The following SEPHS1 variants were observed in gnomAD, a reference collection of about 807,000 sequenced individuals.
The protein encoded by SEPHS1 is selenophosphate synthetase 1, also known as zincore component SEPHS1.
Under a neutral mutation model 39.2 loss-of-function variants are expected in SEPHS1, and 7 were observed. The observed-to-expected ratio is 0.18, with a 90% CI of 0.10 to 0.34. SEPHS1 has a LOEUF of 0.34. SEPHS1 is among the 10% of genes least tolerant of loss of function. The pLI, the probability that SEPHS1 is intolerant of heterozygous loss-of-function variation, is 1.00. For synonymous variants in SEPHS1, 190 were observed against 195.5 expected (o/e 0.97, Z 0.23); for missense variants, 253 against 514.5 (o/e 0.49, Z 4.92).
chr10:13,341,026 AAT>A (rs1244672689), intron 2 of SEPHS1, among the ~76,000 whole-genome samples: 3 of 152,248 alleles, frequency 2.0e-5, no homozygotes, highest in African/African-American at 7.2e-5. Context: ...TGTTAAATAA[AAT>A]AGATTATAAT....
rs201987640 is a variant in SEPHS1, at chr10:13,334,005, A to C, written c.406-34T>G. The C allele has an allele frequency of 7.6e-6, 12 of 1,573,876 alleles. 1 individual carries two copies. The South Asian group carries it at 1.4e-4, about 18-fold the overall frequency. On this transcript the variant is annotated intron_variant, in intron 4 of 8. Coordinates refer to ENST00000327347, the MANE Select transcript of SEPHS1 (RefSeq NM_012247.5). ...GAAAAAGGTACAAATAAAAAGTCAA[A>C]GAATTCTGTTCAAAACCCAGAAAAG...
At chr10:13,340,539 A>G (rs1484656090) in intron 2 of SEPHS1, among the ~76,000 whole-genome samples, 1 of 152,218 alleles carries the variant, frequency 6.6e-6, no homozygotes, top group African/African-American at 2.4e-5. Context: ...TATTCTGAGT[A>G]TATTATTATT....
chr10:13,321,379 T>C (rs137977190), intron 8 of SEPHS1, among the ~76,000 whole-genome samples: 4,736 of 152,130 alleles, frequency 0.031, 116 homozygotes, highest in Middle Eastern at 0.051. Context: ...CTGGAGTAGC[T>C]GGGATTACAG....
intron 1 of SEPHS1, chr10:13,347,499 G>T (rs1358340120): frequency 6.8e-6 from 1 of 146,990 alleles, no homozygotes; most frequent in Non-Finnish European, 1.5e-5. Flanking sequence ...GGGCCGGCGG[G>T]AGGCGGCGGG....
At chr10:13,336,410 A>G (rs763473341) in intron 3 of SEPHS1, 60 bp from the exon 4 acceptor site, 2 of 1,271,422 alleles carry the variant, frequency 1.6e-6, no homozygotes, top group Admixed American at 1.8e-5. Context: ...GCAGAAACTG[A>G]GTGAGCCATG....
intron 2 of SEPHS1, among the ~76,000 whole-genome samples, chr10:13,341,455 G>A (rs1052450247): frequency 3.5e-5 from 5 of 143,310 alleles, no homozygotes; most frequent in Admixed American, 6.9e-5. Flanking sequence ...CCCCTGCACC[G>A]CCCCCGCCAG....
intron 4 of SEPHS1, among the ~76,000 whole-genome samples, chr10:13,335,795 C>T (rs967353050): frequency 5.3e-5 from 8 of 151,692 alleles, no homozygotes; most frequent in Non-Finnish European, 1.0e-4. Flanking sequence ...GCCTGGCCAA[C>T]GTGATAAAAC....
chr10:13,331,963 C>T (rs1016249447), intron 5 of SEPHS1, among the ~76,000 whole-genome samples: 10 of 152,250 alleles, frequency 6.6e-5, no homozygotes, highest in African/African-American at 2.4e-4. Flanking sequence ...TAAAATGGCG[C>T]AGCCATGTTG....
chr10:13,325,895 C>CAAAAAAAA lies in SEPHS1; in HGVS notation c.751+2448_751+2455dup, dbSNP rs562038894. On this transcript the variant is annotated intron_variant, in intron 7 of 8. Coordinates refer to ENST00000327347, the MANE Select transcript of SEPHS1 (RefSeq NM_012247.5). ...CCTGGGCGACAGCGAGACTCCGTCTCAAAAAAAAAAAAAAAAAAAAAAAAA... is the reference window on the plus strand; with the variant it reads ...CCTGGGCGACAGCGAGACTCCGTCTCAAAAAAAAAAAAAAAAAAAAAAAAAAAAAAAAA... 2.6e-4 allele frequency among the ~76,000 whole-genome samples: 7 copies of CAAAAAAAA among 26,446 alleles called. 1 individual carries two copies. Among genetic ancestry groups the CAAAAAAAA allele is most frequent in the Non-Finnish European group, 4.1e-4 (7 of 17,156 alleles). 17.3% of individuals were successfully genotyped at this position (26,446 alleles called of 152,430 possible).
chr10:13,336,726 C>T (rs972580807), intron 3 of SEPHS1, among the ~76,000 whole-genome samples: 5 of 152,014 alleles, frequency 3.3e-5, no homozygotes, highest in African/African-American at 4.8e-5. Context: ...AGCTATGGAG[C>T]GAAAAAGCCT....
intron 7 of SEPHS1, among the ~76,000 whole-genome samples, chr10:13,327,580 A>G (rs1445036892): frequency 6.6e-6 from 1 of 152,256 alleles, no homozygotes; most frequent in Non-Finnish European, 1.5e-5. Context: ...AAATGGGAAG[A>G]GAAGACATAT....
intron 4 of SEPHS1, among the ~76,000 whole-genome samples, 179 bp from the exon 5 acceptor site, chr10:13,334,150 C>A (rs1159324942): frequency 6.6e-6 from 1 of 152,216 alleles, no homozygotes; most frequent in African/African-American, 2.4e-5. Flanking sequence ...GTAATCCCAG[C>A]ACTTTGGGAG....
At chr10:13,329,489 A>G (rs1181695187) in intron 6 of SEPHS1, among the ~76,000 whole-genome samples, 1 of 152,214 alleles carries the variant, frequency 6.6e-6, no homozygotes, top group African/African-American at 2.4e-5. Flanking sequence ...TAAAGCTCCA[A>G]GCTGGGGCTT....
intron 4 of SEPHS1, among the ~76,000 whole-genome samples, chr10:13,335,348 T>C (rs1333483945): frequency 6.6e-6 from 1 of 152,164 alleles, no homozygotes; most frequent in Non-Finnish European, 1.5e-5. Context: ...TGAGGCACCA[T>C]TACTATGGCC....
chr10:13,331,896 C>G (rs79561749), intron 5 of SEPHS1, among the ~76,000 whole-genome samples: 8,964 of 152,300 alleles, frequency 0.059, 338 homozygotes, highest in South Asian at 0.11. Context: ...GACAGGAAAA[C>G]AAGTACTGGA....
At chr10:13,332,118 A>C (rs966339213) in intron 5 of SEPHS1, among the ~76,000 whole-genome samples, 5 of 152,242 alleles carry the variant, frequency 3.3e-5, no homozygotes, top group African/African-American at 1.2e-4. Flanking sequence ...AGGTGGAAAC[A>C]ACCCAAAGGT....
intron 2 of SEPHS1, among the ~76,000 whole-genome samples, chr10:13,344,415 CAA>C (rs922222579): frequency 3.3e-5 from 5 of 152,068 alleles, no homozygotes; most frequent in African/African-American, 9.7e-5. Flanking sequence ...TAAAAACTGT[CAA>C]GAGTACCCCT....
intron 6 of SEPHS1, among the ~76,000 whole-genome samples, chr10:13,329,480 A>C (rs1833405638): frequency 6.6e-6 from 1 of 152,210 alleles, no homozygotes; most frequent in African/African-American, 2.4e-5. Context: ...GAAAAATCTT[A>C]AAGCTCCAAG....
intron 7 of SEPHS1, among the ~76,000 whole-genome samples, chr10:13,324,738 A>C (rs1457108532): frequency 6.6e-6 from 1 of 152,178 alleles, no homozygotes; most frequent in Non-Finnish European, 1.5e-5. Flanking sequence ...CAGCTTCCCA[A>C]GTAGCTGGGA....
Sources: allele counts gnomAD v4.1 joint callset (sites outside exome capture counted in the v4.1 genomes callset), GRCh38; gene constraint gnomAD v4.1.1; transcripts MANE v1.5; gene names NCBI Gene and HGNC (gene_info 2026-07-23, HGNC 2026-07-21).